Variants in RANBP17 observed in about 807,000 individuals in gnomAD.
RANBP17 encodes RAN binding protein 17.
In RANBP17, 158 loss-of-function variants were observed where a neutral mutation model predicts 141.2. The ratio of observed to expected loss-of-function variants is 1.12; its 90% CI spans 0.98 to 1.28. The LOEUF (loss-of-function observed/expected upper bound fraction) is 1.28, where lower values mean the gene tolerates loss of function less well. Among genes scored for constraint, RANBP17 ranks in the 50% most tolerant of loss-of-function variants. The pLI is 0.00. For synonymous variants in RANBP17, 430 were observed against 450.0 expected, an observed-to-expected ratio of 0.96 and a Z score of 0.56; for missense variants, 1,438 against 1,290.7, an observed-to-expected ratio of 1.11 and a Z score of -1.75.
intron 9 of RANBP17, 151 bp downstream of exon 9, chr5:170,916,735 A>C: frequency 2.4e-6 from 1 of 415,740 alleles, no homozygotes; most frequent in Non-Finnish European, 3.8e-6. Context: ...TTTTTTTTTG[A>C]GATCAAGTCT....
intron 14 of RANBP17, among the ~76,000 whole-genome samples, chr5:171,034,811 G>GT (rs546600320): frequency 6.6e-6 from 1 of 152,012 alleles, no homozygotes; most frequent in Non-Finnish European, 1.5e-5. Context: ...TAAATTAAAG[G>GT]TTTTTTTCTT....
intron 22 of RANBP17, among the ~76,000 whole-genome samples, chr5:171,238,279 A>G (rs1764662076): frequency 6.6e-6 from 1 of 152,192 alleles, no homozygotes; most frequent in South Asian, 2.1e-4. Flanking sequence ...AAAATTTGCA[A>G]CCTTCGGCAT....
At chr5:171,245,179 T>C (rs560423699) in intron 24 of RANBP17, among the ~76,000 whole-genome samples, 1 of 152,202 alleles carries the variant, frequency 6.6e-6, no homozygotes, top group Non-Finnish European at 1.5e-5. Context: ...TCTACTGATG[T>C]GATTTCTGGA....
At chr5:171,025,839 C>T (rs1487641641) in intron 14 of RANBP17, among the ~76,000 whole-genome samples, 4 of 152,124 alleles carry the variant, frequency 2.6e-5, no homozygotes, top group Non-Finnish European at 5.9e-5. Flanking sequence ...CCTCCTGCCT[C>T]GGTCTCCCAA....
In RANBP17 at chr5:171,171,266, C is replaced by T. The variant is rs753912912; in HGVS notation, c.1845C>T (p.Phe615=). The change falls in exon 16 of 28, where the codon TTC becomes TTT. Residue 615 remains phenylalanine (F), a synonymous_variant. Transcript: ENST00000523189. ...CTGTAATTTCAAGGACTCTTCAGTTCCTAAATGACCTTTCTGTTGGATATC... is the reference window on the plus strand; with the variant it reads ...CTGTAATTTCAAGGACTCTTCAGTTTCTAAATGACCTTTCTGTTGGATATC... ...YEPVISRTLQ[F]LNDLSVGYIL... The T allele has an allele frequency of 4.4e-5, 70 of 1,589,838 alleles. No individual in the cohort carries two copies. Among genetic ancestry groups the T allele is most frequent in the Admixed American group, 6.8e-5 (4 of 58,856 alleles).
intron 25 of RANBP17, among the ~76,000 whole-genome samples, chr5:171,291,820 AAG>A (rs1435266330): frequency 6.6e-6 from 1 of 152,252 alleles, no homozygotes; most frequent in Non-Finnish European, 1.5e-5. Context: ...AAGAATAAAA[AAG>A]AAAAAAAAAT....
At chr5:170,897,574 C>T (rs1324043923) in intron 5 of RANBP17, among the ~76,000 whole-genome samples, 1 of 151,754 alleles carries the variant, frequency 6.6e-6, no homozygotes, top group African/African-American at 2.4e-5. Flanking sequence ...CCCCAACCCC[C>T]AACAGGCCCC....
intron 21 of RANBP17, among the ~76,000 whole-genome samples, chr5:171,219,951 A>T (rs1199466747): frequency 6.6e-6 from 1 of 151,966 alleles, no homozygotes; most frequent in Non-Finnish European, 1.5e-5. Context: ...AGGAGCTGTG[A>T]TCATTTGGAG....
chr5:171,011,199 T>G (rs1351874121), intron 14 of RANBP17, among the ~76,000 whole-genome samples: 1 of 152,116 alleles, frequency 6.6e-6, no homozygotes, highest in Non-Finnish European at 1.5e-5. Context: ...AAGAATTCAT[T>G]AGTTTTTAAG....
chr5:170,883,257 T>C (rs1326295866), intron 3 of RANBP17, among the ~76,000 whole-genome samples: 1 of 152,216 alleles, frequency 6.6e-6, no homozygotes, highest in Non-Finnish European at 1.5e-5. Context: ...ATTATACTTT[T>C]CAATACACAT....
chr5:171,258,433 G>C (rs1766068425), intron 24 of RANBP17, among the ~76,000 whole-genome samples: 1 of 151,912 alleles, frequency 6.6e-6, no homozygotes, highest in Non-Finnish European at 1.5e-5. Flanking sequence ...AAGTAATCTT[G>C]ACCAACCAGA....
At chr5:170,881,272 A>G (rs1768660338) in intron 2 of RANBP17, among the ~76,000 whole-genome samples, 1 of 152,208 alleles carries the variant, frequency 6.6e-6, no homozygotes, top group African/African-American at 2.4e-5. Flanking sequence ...AGGTGGAGTG[A>G]ATACATGAAC....
intron 14 of RANBP17, among the ~76,000 whole-genome samples, chr5:171,169,784 C>G (rs922220752): frequency 6.6e-6 from 1 of 151,536 alleles, no homozygotes; most frequent in Non-Finnish European, 1.5e-5. Flanking sequence ...TTGAAGTACT[C>G]TACTTTCCAG....
In RANBP17 at chr5:170,960,981, A is replaced by G. The variant is rs188818185; in HGVS notation, c.1575-7261A>G. 5.1e-3 allele frequency among the ~76,000 whole-genome samples: 782 copies of G among 152,302 alleles called. 2 individuals are homozygous for G. The highest frequency in any genetic ancestry group is 9.4e-3 in the Non-Finnish European group (637 of 68,022). The stretch of plus-strand genomic sequence containing the variant: ...GGATGATCTCAAACTCCTGACCTCA[A>G]GGGATCTGCCTGCCTTGGGCTCCCA... On this transcript the variant is annotated intron_variant, in intron 13 of 27. Coordinates refer to ENST00000523189, the MANE Select transcript of RANBP17 (RefSeq NM_022897.5).
Position 171,047,088 on chromosome 5 carries a change from A to G in RANBP17, c.1710+78711A>G, listed in dbSNP as rs536166151. 1.9e-3 allele frequency among the ~76,000 whole-genome samples: 263 copies of G among 141,104 alleles called. 1 individual carries two copies. Among genetic ancestry groups the G allele is most frequent in the African/African-American group, 6.8e-3 (257 of 37,824 alleles). The allele number at this position is 141,104 out of a possible 152,430, so 92.6% of individuals were successfully genotyped here. ...GCTGGAGTGCAATGGCACAGTCTCA[A>G]CTCACTGCATCCTCTGCCTCCAGGG... On this transcript the variant is annotated intron_variant, in intron 14 of 27. Coordinates refer to ENST00000523189, the MANE Select transcript of RANBP17 (RefSeq NM_022897.5).
At chr5:171,230,531 C>T (rs1426467113) in intron 22 of RANBP17, among the ~76,000 whole-genome samples, 1 of 152,068 alleles carries the variant, frequency 6.6e-6, no homozygotes, top group Non-Finnish European at 1.5e-5. Context: ...AAGGCCGAGG[C>T]GTGTGGATCA....
chr5:171,254,798 T>C (rs1765785593), intron 24 of RANBP17, among the ~76,000 whole-genome samples: 1 of 152,224 alleles, frequency 6.6e-6, no homozygotes, highest in African/African-American at 2.4e-5. Context: ...TTAAACTCTT[T>C]TCAGGCAGTA....
chr5:171,235,436 G>A (rs753304620), intron 22 of RANBP17, among the ~76,000 whole-genome samples: 1 of 151,600 alleles, frequency 6.6e-6, no homozygotes, highest in Admixed American at 6.6e-5. Flanking sequence ...GGCAAAAATT[G>A]TTGGTGCCTT....
In RANBP17 at chr5:170,931,095, T is replaced by C. The variant is rs145529189; in HGVS notation, c.1468+6545T>C. ...CTGTTGTTTCCTGACTTCTTAATGATTGCCATTCTAACTGGTGTGATATGG... is the reference window on the plus strand; with the variant it reads ...CTGTTGTTTCCTGACTTCTTAATGACTGCCATTCTAACTGGTGTGATATGG... On this transcript the variant is annotated intron_variant, in intron 12 of 27. Transcript: ENST00000523189. Among the ~76,000 whole-genome samples, 79 of 152,360 alleles carry C rather than the reference T, an allele frequency of 5.2e-4. 1 individual carries two copies. The East Asian group carries it at 0.01, about 20-fold the overall frequency.
Sources: allele counts gnomAD v4.1 joint callset (sites outside exome capture counted in the v4.1 genomes callset), GRCh38; gene constraint gnomAD v4.1.1; transcripts MANE v1.5; gene names NCBI Gene and HGNC (gene_info 2026-07-23, HGNC 2026-07-21).